DRD2: variants seen among roughly 807,000 people sequenced by gnomAD.
The protein encoded by DRD2 is dopamine receptor D2.
In DRD2, 8 loss-of-function variants were observed where a neutral mutation model predicts 38.0. The ratio of observed to expected loss-of-function variants is 0.21; its 90% CI spans 0.12 to 0.38. DRD2 has a LOEUF of 0.38. DRD2 is among the 10% of genes least tolerant of loss of function. The probability of loss-of-function intolerance (pLI) is 1.00; values close to 1 mark genes in which losing one functional copy is unlikely to be tolerated. For synonymous variants in DRD2, 230 were observed against 238.6 expected (o/e 0.96, Z 0.33); for missense variants, 403 against 607.7 (o/e 0.66, Z 3.54).
chr11:113,410,581 T>C lies in DRD2; in HGVS notation c.*146A>G, dbSNP rs1950759181. On this transcript the variant is annotated 3_prime_UTR_variant, in exon 8 of 8. Coordinates refer to ENST00000362072, the MANE Select transcript of DRD2 (RefSeq NM_000795.4). Reference sequence around the variant, plus strand: ...GAGGGTGTGCGGGCAGTGAGGAGCATGGAGCCAAGCGAACACTGCAGGGCC... The same window carrying C: ...GAGGGTGTGCGGGCAGTGAGGAGCACGGAGCCAAGCGAACACTGCAGGGCC... 3.0e-6 allele frequency: 3 copies of C among 1,014,750 alleles called. No individual in the cohort carries two copies. The highest frequency in any genetic ancestry group is 1.8e-5 in the Admixed American group (1 of 56,248). The allele number at this position is 1,014,750 out of a possible 1,614,324, so 62.9% of individuals were successfully genotyped here. A position where few individuals can be genotyped will look rare whatever the true frequency, so the allele number is the denominator to read the frequency against.
intron 1 of DRD2, among the ~76,000 whole-genome samples, chr11:113,474,685 G>T (rs1041322653): frequency 1.3e-5 from 2 of 151,856 alleles, no homozygotes; most frequent in African/African-American, 4.8e-5. Flanking sequence ...CGGGTCTCGC[G>T]CTTGGGTGCT....
intron 1 of DRD2, among the ~76,000 whole-genome samples, chr11:113,453,344 G>A (rs964684706): frequency 4.8e-4 from 73 of 152,206 alleles, no homozygotes; most frequent in African/African-American, 1.7e-3. Context: ...TTGAGTTGTT[G>A]TAAATTTTCA....
In DRD2 at chr11:113,433,293, G is replaced by C. The variant is rs140674987; in HGVS notation, c.-31-8611C>G. On this transcript the variant is annotated intron_variant, in intron 1 of 7. Coordinates refer to ENST00000362072, the MANE Select transcript of DRD2 (RefSeq NM_000795.4). The stretch of plus-strand genomic sequence containing the variant: ...GGCCCCGGTGTCAGCAGTCACTCCT[G>C]AGGGAAGAAATGCAGATTGCTCTTT... 7.8e-3 allele frequency among the ~76,000 whole-genome samples: 1,191 copies of C among 152,274 alleles called. 9 individuals are homozygous for C. The highest frequency in any genetic ancestry group is 0.027 in the African/African-American group (1,138 of 41,542).
At chr11:113,467,379 T>C (rs1951380463) in intron 1 of DRD2, among the ~76,000 whole-genome samples, 2 of 152,140 alleles carry the variant, frequency 1.3e-5, no homozygotes, top group African/African-American at 4.8e-5. Flanking sequence ...CTGGGGAATC[T>C]CAGGACCAGA....
intron 2 of DRD2, among the ~76,000 whole-genome samples, 189 bp from the exon 3 acceptor site, chr11:113,418,325 T>C (rs1950847774): frequency 6.6e-6 from 1 of 152,082 alleles, no homozygotes; most frequent in East Asian, 1.9e-4. Context: ...GCTTATCTTC[T>C]CCCAGATACA....
chr11:113,465,211 G>A (rs527238885), intron 1 of DRD2, among the ~76,000 whole-genome samples: 27 of 151,604 alleles, frequency 1.8e-4, no homozygotes, highest in African/African-American at 4.4e-4. Context: ...GGTAATTCCC[G>A]TGCCTCAGCC....
chr11:113,455,687 G>A (rs1159367435), intron 1 of DRD2, among the ~76,000 whole-genome samples: 1 of 152,118 alleles, frequency 6.6e-6, no homozygotes, highest in African/African-American at 2.4e-5. Flanking sequence ...TTTTAAAAAT[G>A]CTCAACATCA....
chr11:113,431,969 G>T (rs148379529), intron 1 of DRD2, among the ~76,000 whole-genome samples: 231 of 152,346 alleles, frequency 1.5e-3, no homozygotes, highest in African/African-American at 5.2e-3. Flanking sequence ...TAGAGGAGGG[G>T]ACAGGGAGTG....
intron 1 of DRD2, chr11:113,450,141 CAA>C (rs967513736): frequency 3.2e-5 from 5 of 154,182 alleles, no homozygotes; most frequent in Non-Finnish European, 7.3e-5. Context: ...AGAATGGAAA[CAA>C]TATTTCAAAA....
Position 113,410,126 on chromosome 11 carries a change from G to A in DRD2, c.*601C>T, listed in dbSNP as rs184532204. 30 of 175,032 alleles carry A rather than the reference G, an allele frequency of 1.7e-4. No homozygotes were observed. Among genetic ancestry groups the A allele is most frequent in the South Asian group, 1.0e-3 (7 of 6,942 alleles). 10.8% of individuals were successfully genotyped at this position (175,032 alleles called of 1,614,324 possible). A position where few individuals can be genotyped will look rare whatever the true frequency, so the allele number is the denominator to read the frequency against. ...AGCTGTAACGGGGTGAGGTGGGTCC[G>A]GACTAGCCTGGAAAGTAGAGGTCCA... On this transcript the variant is annotated 3_prime_UTR_variant, in exon 8 of 8. Coordinates refer to ENST00000362072, the MANE Select transcript of DRD2 (RefSeq NM_000795.4).
intron 2 of DRD2, among the ~76,000 whole-genome samples, chr11:113,420,015 T>C (rs1302641148): frequency 2.0e-5 from 3 of 152,260 alleles, no homozygotes; most frequent in Admixed American, 2.0e-4. Flanking sequence ...ATTTTGCGGG[T>C]GGAGGCAGGA....
At chr11:113,443,796 AG>A (rs1178941668) in intron 1 of DRD2, among the ~76,000 whole-genome samples, 2 of 152,254 alleles carry the variant, frequency 1.3e-5, no homozygotes, top group African/African-American at 2.4e-5. Flanking sequence ...ATTTTGATAA[AG>A]AAAAATTGCT....
chr11:113,417,035 G>A, intron 3 of DRD2, 36 bp from the exon 4 acceptor site: 1 of 1,609,980 alleles, frequency 6.2e-7, no homozygotes, highest in Non-Finnish European at 8.5e-7. Context: ...TGGGGTGCAG[G>A]CCCAGGGACC....
chr11:113,413,448 C>T (rs1950789970), intron 6 of DRD2: 1 of 476,252 alleles, frequency 2.1e-6, no homozygotes, highest in African/African-American at 2.0e-5. Flanking sequence ...CTAGAGAGCC[C>T]TGGCATGGAT....
At chr11:113,412,447 C>T in intron 7 of DRD2, 109 bp downstream of exon 7, 3 of 1,391,334 alleles carry the variant, frequency 2.2e-6, no homozygotes, top group East Asian at 2.4e-5. Flanking sequence ...TTGGCCTGTG[C>T]CTGAGGAAAT....
At position 113,415,601 on chromosome 11, in the gene DRD2, C is replaced by G. The variant is rs1275687319; in HGVS notation, c.543G>C (p.Glu181Asp). Reference sequence around the variant, plus strand: ...CGAAGGCCGGGTTGGCAATGATGCACTCGTTCTGGTCTGGGGGAGGGAGAG... The same window carrying G: ...CGAAGGCCGGGTTGGCAATGATGCAGTCGTTCTGGTCTGGGGGAGGGAGAG... ...LFGLNNADQN[E>D]CIIANPAFVV... Residue 181 changes from glutamate (E) to aspartate (D), a missense_variant, in exon 5 of 8, where the codon GAG (glutamate) becomes GAC (aspartate). Coordinates refer to ENST00000362072, the MANE Select transcript of DRD2 (RefSeq NM_000795.4). The G allele has an allele frequency of 8.1e-6, 13 of 1,613,036 alleles. No individual in the cohort carries two copies. Among genetic ancestry groups the G allele is most frequent in the African/African-American group, 1.3e-5 (1 of 74,902 alleles).
rs748707296 is a variant in DRD2 at position 113,410,848 on chromosome 11, G to C, written c.1211C>G (p.Pro404Arg). ...CGTGAAGGCGCTGTACAGGACAGGCGGGATGTTGCAGTCACAGTGTATGTT... is the reference window on the plus strand; with the variant it reads ...CGTGAAGGCGCTGTACAGGACAGGCCGGATGTTGCAGTCACAGTGTATGTT... ...ILNIHCDCNI[P>R]PVLYSAFTWL... The change falls in exon 8 of 8, where the codon CCG (proline) becomes CGG (arginine). Residue 404 changes from proline (P) to arginine (R), a missense_variant. Transcript: ENST00000362072. 2 of 1,614,044 alleles carry C rather than the reference G, an allele frequency of 1.2e-6. No homozygotes were observed. Among genetic ancestry groups the C allele is most frequent in the African/African-American group, 2.7e-5 (2 of 74,916 alleles).
In DRD2 at chr11:113,434,183, G is replaced by T. The variant is rs114992254; in HGVS notation, c.-31-9501C>A. 4.4e-3 allele frequency among the ~76,000 whole-genome samples: 675 copies of T among 152,344 alleles called. 2 individuals carry two copies. Among genetic ancestry groups the T allele is most frequent in the African/African-American group, 0.015 (633 of 41,574 alleles). On this transcript the variant is annotated intron_variant, in intron 1 of 7. Coordinates refer to ENST00000362072, the MANE Select transcript of DRD2 (RefSeq NM_000795.4). ...CGGTGACACCCAGCACAGGTGTAAT[G>T]AAGTCAGTATTTGTCTAGAGATTTG...
At chr11:113,448,192 G>T (rs1951171154) in intron 1 of DRD2, among the ~76,000 whole-genome samples, 1 of 152,150 alleles carries the variant, frequency 6.6e-6, no homozygotes. Flanking sequence ...AGATGCAGGA[G>T]TCTAATGACG....
Sources: gnomAD v4.1 joint callset for allele counts (sites outside exome capture counted in the v4.1 genomes callset) on GRCh38, gnomAD v4.1.1 for gene constraint, MANE v1.5 for transcripts, NCBI Gene and HGNC (gene_info 2026-07-23, HGNC 2026-07-21) for gene names.